Variants in IFT57 observed in about 807,000 individuals in gnomAD.
IFT57 encodes intraflagellar transport 57, also known as intraflagellar transport protein 57 homolog.
A neutral mutation model predicts 56.8 loss-of-function variants in IFT57; 59 were observed. The observed-to-expected ratio is 1.04, with a 90% CI of 0.84 to 1.29. IFT57 has a LOEUF of 1.29. Ranked by LOEUF, IFT57 falls within the 50% of genes most tolerant of loss-of-function variation. The pLI, the probability that IFT57 is intolerant of heterozygous loss-of-function variation, is 0.00. For synonymous variants in IFT57, 209 were observed against 186.1 expected (o/e 1.12, Z -1.00); for missense variants, 470 against 522.1 (o/e 0.90, Z 0.97).
At chr3:108,195,398 T>C (rs2080238412) in intron 5 of IFT57, among the ~76,000 whole-genome samples, 1 of 152,154 alleles carries the variant, frequency 6.6e-6, no homozygotes, top group South Asian at 2.1e-4. Context: ...ATACAGTCAC[T>C]ATGGAGAACA....
chr3:108,216,530 T>C (rs2080374079), intron 3 of IFT57, among the ~76,000 whole-genome samples: 1 of 152,166 alleles, frequency 6.6e-6, no homozygotes, highest in African/African-American at 2.4e-5. Context: ...TTGGTAGGTA[T>C]GTAAATTATT....
intron 6 of IFT57, among the ~76,000 whole-genome samples, chr3:108,176,558 C>T (rs922300020): frequency 6.6e-6 from 1 of 151,814 alleles, no homozygotes; most frequent in Non-Finnish European, 1.5e-5. Flanking sequence ...TTATCCTGGT[C>T]GTTTTGCTAA....
At chr3:108,164,178 C>T (rs1259467861) in intron 9 of IFT57, among the ~76,000 whole-genome samples, 1 of 151,732 alleles carries the variant, frequency 6.6e-6, no homozygotes, top group African/African-American at 2.4e-5. Context: ...TCACTTTTTC[C>T]TCTATAGGAC....
At chr3:108,194,789 G>C (rs2080234711) in intron 5 of IFT57, among the ~76,000 whole-genome samples, 1 of 152,164 alleles carries the variant, frequency 6.6e-6, no homozygotes, top group African/African-American at 2.4e-5. Context: ...ATATTCATAT[G>C]TAGAAGAATG....
intron 3 of IFT57, among the ~76,000 whole-genome samples, chr3:108,217,682 A>ATG (rs1415924232): frequency 1.1e-4 from 16 of 150,690 alleles, no homozygotes; most frequent in African/African-American, 2.2e-4. Context: ...ATATATATAT[A>ATG]TGTGTGTGTG....
At chr3:108,172,445 CAG>C (rs1484494860) in intron 6 of IFT57, among the ~76,000 whole-genome samples, 8 of 151,780 alleles carry the variant, frequency 5.3e-5, no homozygotes, top group African/African-American at 9.7e-5. Flanking sequence ...GGGGAGCTAT[CAG>C]ATATTTTTGG....
At chr3:108,185,248 T>C (rs1212133785) in intron 6 of IFT57, among the ~76,000 whole-genome samples, 1 of 152,042 alleles carries the variant, frequency 6.6e-6, no homozygotes, top group South Asian at 2.1e-4. Context: ...AAAATGAAGA[T>C]ATAATACGAC....
chr3:108,179,166 C>G (rs997131083), intron 6 of IFT57, among the ~76,000 whole-genome samples: 2 of 151,790 alleles, frequency 1.3e-5, no homozygotes, highest in African/African-American at 2.4e-5. Flanking sequence ...ATAACAAACT[C>G]TATTTCAACC....
chr3:108,177,013 G>A (rs1006163832), intron 6 of IFT57, among the ~76,000 whole-genome samples: 4 of 151,658 alleles, frequency 2.6e-5, no homozygotes, highest in African/African-American at 7.3e-5. Flanking sequence ...TCAATCCATG[G>A]TAGAGCCCAA....
intron 5 of IFT57, among the ~76,000 whole-genome samples, chr3:108,199,003 A>G (rs9875102): frequency 0.096 from 14,649 of 152,250 alleles, 769 homozygotes; most frequent in Middle Eastern, 0.12. Flanking sequence ...CTTATAAAAA[A>G]TTGCATCAAT....
chr3:108,194,379 T>C (rs1466919848), intron 5 of IFT57, among the ~76,000 whole-genome samples: 2 of 152,128 alleles, frequency 1.3e-5, no homozygotes, highest in African/African-American at 4.8e-5. Context: ...TCCAAGTTCA[T>C]GGTCTGGAAA....
At chr3:108,165,528 C>A in intron 8 of IFT57, 35 bp from the exon 9 acceptor site, 1 of 1,552,626 alleles carries the variant, frequency 6.4e-7, no homozygotes, top group Non-Finnish European at 8.9e-7. Context: ...ATGGCAAATT[C>A]AAAGCAGCAG....
intron 6 of IFT57, among the ~76,000 whole-genome samples, chr3:108,191,071 G>A (rs1297399570): frequency 1.3e-5 from 2 of 152,188 alleles, no homozygotes; most frequent in Non-Finnish European, 2.9e-5. Context: ...GATTACAAAC[G>A]TGAGCCATGG....
chr3:108,211,377 C>A (rs2080341973), intron 4 of IFT57, among the ~76,000 whole-genome samples: 1 of 152,226 alleles, frequency 6.6e-6, no homozygotes. Flanking sequence ...AGATCTGTTA[C>A]ACAAAGAATA....
intron 5 of IFT57, among the ~76,000 whole-genome samples, chr3:108,203,576 T>C (rs1237377286): frequency 6.6e-6 from 1 of 152,216 alleles, no homozygotes; most frequent in Non-Finnish European, 1.5e-5. Flanking sequence ...CAGTAAGTTC[T>C]TTTCTCTATG....
Position 108,203,787 on chromosome 3 carries a change from C to T in IFT57, c.654+2841G>A, listed in dbSNP as rs192635009. Among the ~76,000 whole-genome samples, 34 of 152,198 alleles carry T rather than the reference C, an allele frequency of 2.2e-4. No individual in the cohort carries two copies. The South Asian group carries it at 2.3e-3, about 10-fold the overall frequency. ...AGTAATTAATAAATATAATGCAATA[C>T]CAGGGTCTGTGAGGAAAAATAAAGT... On this transcript the variant is annotated intron_variant, in intron 5 of 10. Transcript: ENST00000264538.
intron 6 of IFT57, among the ~76,000 whole-genome samples, chr3:108,184,955 A>G (rs1249840804): frequency 1.3e-5 from 2 of 152,172 alleles, no homozygotes; most frequent in African/African-American, 4.8e-5. Context: ...AGAAGTAGCG[A>G]AAAGTCCTGA....
At chr3:108,217,641 A>G (rs1296349214) in intron 3 of IFT57, among the ~76,000 whole-genome samples, 1 of 151,810 alleles carries the variant, frequency 6.6e-6, no homozygotes, top group African/African-American at 2.4e-5. Context: ...ATATAATTGA[A>G]TATACATTAA....
intron 5 of IFT57, among the ~76,000 whole-genome samples, chr3:108,199,908 G>T (rs1406943903): frequency 6.6e-6 from 1 of 152,168 alleles, no homozygotes; most frequent in East Asian, 1.9e-4. Context: ...CAGTGGGAAG[G>T]TATTTTAGAA....
Sources: gnomAD v4.1 joint callset for allele counts (sites outside exome capture counted in the v4.1 genomes callset) on GRCh38, gnomAD v4.1.1 for gene constraint, MANE v1.5 for transcripts, NCBI Gene and HGNC (gene_info 2026-07-23, HGNC 2026-07-21) for gene names.